Variants in ZNF708 observed in about 807,000 individuals in gnomAD.
ZNF708 encodes the protein zinc finger protein 708.
ZNF708 carries 44 observed loss-of-function variants against 47.0 expected under a neutral mutation model. The ratio of observed to expected loss-of-function variants is 0.94; its 90% CI spans 0.74 to 1.20. The LOEUF (loss-of-function observed/expected upper bound fraction) is 1.20. Ranked by LOEUF, ZNF708 falls within the 50% of genes most tolerant of loss-of-function variation. The pLI is 0.00. For synonymous variants in ZNF708, 184 were observed against 218.5 expected, an observed-to-expected ratio of 0.84 and a Z score of 1.39; for missense variants, 557 against 656.0, an observed-to-expected ratio of 0.85 and a Z score of 1.65.
chr19:21,296,588 A>G (rs1972531139), intron 3 of ZNF708, among the ~76,000 whole-genome samples: 1 of 152,066 alleles, frequency 6.6e-6, no homozygotes, highest in East Asian at 1.9e-4. Context: ...CTGAAAAAGT[A>G]TATTGGCACT....
chr19:21,304,094 G>A (rs1302483258), intron 3 of ZNF708, among the ~76,000 whole-genome samples: 1 of 151,988 alleles, frequency 6.6e-6, no homozygotes, highest in African/African-American at 2.4e-5. Flanking sequence ...AAAGAAAAAA[G>A]GTTTATTTGG....
intron 1 of ZNF708, among the ~76,000 whole-genome samples, chr19:21,312,064 G>T (rs916747893): frequency 6.6e-6 from 1 of 152,166 alleles, no homozygotes; most frequent in Non-Finnish European, 1.5e-5. Flanking sequence ...GGGGGCCAAG[G>T]GGGGTGGATC....
intron 3 of ZNF708, among the ~76,000 whole-genome samples, chr19:21,301,987 A>T (rs1225623393): frequency 6.6e-6 from 1 of 152,166 alleles, no homozygotes. Context: ...GTGTCCAGGC[A>T]CTGTGGTTCG....
Position 21,293,549 on chromosome 19 carries a change from C to T in ZNF708, c.1417G>A (p.Glu473Lys), listed in dbSNP as rs1421922667. The change falls in exon 4 of 4, where the codon GAG becomes AAG. Residue 473 changes from glutamate (E) to lysine (K), a missense_variant. By Grantham distance (56) the Glu-to-Lys change is moderately conservative. Coordinates refer to ENST00000356929, the MANE Select transcript of ZNF708 (RefSeq NM_021269.3). ...CATTCTTCACACTTATAGGGTTTCTCTCCAGTATGAATTTTTTTATGATTA... is the reference window on the plus strand; with the variant it reads ...CATTCTTCACACTTATAGGGTTTCTTTCCAGTATGAATTTTTTTATGATTA... ...FTNHKKIHTG[E>K]KPYKCEECGK... is the part of the protein sequence containing the mutation. The T allele has an allele frequency of 5.6e-6, 9 of 1,612,924 alleles. No homozygotes were observed. The Admixed American group carries it at 1.3e-4, about 24-fold the overall frequency.
At chr19:21,296,523 T>A (rs1599668173) in intron 3 of ZNF708, among the ~76,000 whole-genome samples, 1 of 151,362 alleles carries the variant, frequency 6.6e-6, no homozygotes, top group Non-Finnish European at 1.5e-5. Flanking sequence ...AATAAATAAA[T>A]AAAAAAGAAC....
At chr19:21,312,249 C>T (rs1463683814) in intron 1 of ZNF708, among the ~76,000 whole-genome samples, 8 of 151,592 alleles carry the variant, frequency 5.3e-5, no homozygotes, top group Admixed American at 4.0e-4. Context: ...GAGCTGAGAT[C>T]GCGCCACTGC....
chr19:21,315,097 C>T (rs1330385904), intron 1 of ZNF708, among the ~76,000 whole-genome samples: 3 of 152,102 alleles, frequency 2.0e-5, no homozygotes, highest in East Asian at 3.9e-4. Flanking sequence ...GTCATGGCTC[C>T]GGATACTTTG....
intron 3 of ZNF708, among the ~76,000 whole-genome samples, chr19:21,302,094 T>C (rs912984872): frequency 2.6e-5 from 4 of 152,090 alleles, no homozygotes; most frequent in Non-Finnish European, 4.4e-5. Flanking sequence ...AGACTCTGCA[T>C]ATAAACAAAG....
chr19:21,296,556 G>C (rs1378146670), intron 3 of ZNF708, among the ~76,000 whole-genome samples: 2 of 151,732 alleles, frequency 1.3e-5, no homozygotes, highest in Non-Finnish European at 2.9e-5. Flanking sequence ...TAAAAAGAAA[G>C]ACCTTCCAAA....
intron 1 of ZNF708, chr19:21,318,182 G>C (rs998750580): frequency 1.1e-3 from 163 of 152,300 alleles, no homozygotes; most frequent in African/African-American, 3.8e-3. Context: ...GAGCCTACAG[G>C]ATTTGGGGGT....
intron 3 of ZNF708, among the ~76,000 whole-genome samples, chr19:21,307,158 TATAAA>T (rs1371433440): frequency 6.2e-5 from 7 of 113,702 alleles, no homozygotes; most frequent in South Asian, 6.2e-4. Flanking sequence ...TAAAATATAA[TATAAA>T]ATAAAATAAA....
intron 1 of ZNF708, among the ~76,000 whole-genome samples, chr19:21,324,966 C>T (rs1263712639): frequency 6.6e-6 from 1 of 151,878 alleles, no homozygotes; most frequent in African/African-American, 2.4e-5. Flanking sequence ...AAAGACATTT[C>T]CCCTATTCTT....
At chr19:21,317,193 T>A (rs1207456514) in intron 1 of ZNF708, among the ~76,000 whole-genome samples, 7 of 151,114 alleles carry the variant, frequency 4.6e-5, no homozygotes, top group Non-Finnish European at 7.4e-5. Context: ...AGCAGGAAAA[T>A]CACTTGAACA....
At chr19:21,318,938 T>G (rs1973071448) in intron 1 of ZNF708, among the ~76,000 whole-genome samples, 1 of 152,202 alleles carries the variant, frequency 6.6e-6, no homozygotes, top group South Asian at 2.1e-4. Flanking sequence ...GACACATATC[T>G]ACTGTAACAA....
At chr19:21,320,745 A>G (rs1449555658) in intron 1 of ZNF708, among the ~76,000 whole-genome samples, 1 of 144,074 alleles carries the variant, frequency 6.9e-6, no homozygotes, top group Non-Finnish European at 1.5e-5. Context: ...GCACATAAAC[A>G]TCATGAAATA....
At chr19:21,311,748 G>A (rs1972903532) in intron 1 of ZNF708, among the ~76,000 whole-genome samples, 2 of 152,012 alleles carry the variant, frequency 1.3e-5, no homozygotes, top group African/African-American at 2.4e-5. Context: ...GGAAAAACAC[G>A]CTGCACCATG....
intron 1 of ZNF708, among the ~76,000 whole-genome samples, chr19:21,326,503 C>T (rs1192860512): frequency 4.6e-5 from 7 of 152,220 alleles, no homozygotes; most frequent in Admixed American, 3.9e-4. Context: ...GGGAGCTAAG[C>T]TATAAGGATG....
rs764275970 is a variant in ZNF708, at chr19:21,293,620, T to G, written c.1346A>C (p.Lys449Thr). 3 of 1,612,538 alleles carry G rather than the reference T, an allele frequency of 1.9e-6. No individual in the cohort carries two copies. The highest frequency in any genetic ancestry group is 2.2e-5 in the East Asian group (1 of 44,818). ...AAAAGTTTTGCCACATTCTTCACAT[T>G]TGTAGGGTTTGTCTTCAGTATGAAT... ...KVIHTEDKPYKCEECGKTFNY... is the reference protein window; with the variant it reads ...KVIHTEDKPYTCEECGKTFNY... Residue 449 changes from lysine (K) to threonine (T), a missense_variant, in exon 4 of 4, where the codon AAA (lysine) becomes ACA (threonine). Transcript: ENST00000356929.
At position 21,293,133 on chromosome 19, in the gene ZNF708, G is replaced by A. The variant is rs1169915517; in HGVS notation, c.*141C>T. ...TTTACATTTGTAGGGTTTCTCTCTA[G>A]TATGAATTATCTTTTGTTTCATAAG... On this transcript the variant is annotated 3_prime_UTR_variant, in exon 4 of 4. Transcript: ENST00000356929. 2.8e-6 allele frequency: 3 copies of A among 1,075,200 alleles called. No individual in the cohort carries two copies. The highest frequency in any genetic ancestry group is 4.1e-6 in the Non-Finnish European group (3 of 726,488). The allele number at this position is 1,075,200 out of a possible 1,614,324, so 66.6% of individuals were successfully genotyped here. A position where few individuals can be genotyped will look rare whatever the true frequency, so the allele number is the denominator to read the frequency against.
Sources: gnomAD v4.1 joint callset for allele counts (sites outside exome capture counted in the v4.1 genomes callset) on GRCh38, gnomAD v4.1.1 for gene constraint, MANE v1.5 for transcripts, NCBI Gene and HGNC (gene_info 2026-07-23, HGNC 2026-07-21) for gene names.